Variants in MSI2 observed in about 807,000 individuals in gnomAD.
MSI2 encodes RNA-binding protein Musashi homolog 2.
A neutral mutation model predicts 45.6 loss-of-function variants in MSI2; 17 were observed. That is an observed-to-expected ratio of 0.37 (90% CI 0.26 to 0.56). MSI2 has a LOEUF of 0.56. Ranked by LOEUF, MSI2 falls within the 20% of genes least tolerant of loss-of-function variation. The pLI, the probability that MSI2 is intolerant of heterozygous loss-of-function variation, is 0.77. For missense variants in MSI2, 293 were observed against 444.2 expected (o/e 0.66, Z 3.06); for synonymous variants, 156 against 158.2 (o/e 0.99, Z 0.11).
chr17:57,269,645 A>G (rs949360406), intron 5 of MSI2, among the ~76,000 whole-genome samples: 1 of 152,162 alleles, frequency 6.6e-6, no homozygotes, highest in Non-Finnish European at 1.5e-5. Context: ...GGACCATGAT[A>G]TAGATACAAT....
intron 5 of MSI2, among the ~76,000 whole-genome samples, chr17:57,300,125 C>G (rs977920532): frequency 6.6e-6 from 1 of 152,192 alleles, no homozygotes; most frequent in African/African-American, 2.4e-5. Context: ...CTCCTAACTC[C>G]ATAGGCACTC....
At chr17:57,671,332 T>G (rs956880023) in intron 11 of MSI2, 1 of 152,242 alleles carries the variant, frequency 6.6e-6, no homozygotes, top group African/African-American at 2.4e-5. Flanking sequence ...GCACTGTTTA[T>G]TTATTCAACA....
intron 10 of MSI2, chr17:57,632,383 CT>C: frequency 9.4e-7 from 1 of 1,066,186 alleles, no homozygotes; most frequent in Non-Finnish European, 1.1e-6. Flanking sequence ...ATCTGACTAT[CT>C]TTGTCTTTTG....
rs770001800 is a variant in MSI2, at chr17:57,459,360, G to A, written c.405+57889G>A. Among the ~76,000 whole-genome samples, 6 of 152,274 alleles carry A rather than the reference G, an allele frequency of 3.9e-5. No individual in the cohort carries two copies. The South Asian group carries it at 1.2e-3, about 32-fold the overall frequency. On this transcript the variant is annotated intron_variant, in intron 6 of 13. Transcript: ENST00000284073. Reference sequence around the variant, plus strand: ...CGCACGGGGGCATTGTCCTCAGTCGGACTTTCTAGAAAAAGGCATCACGCG... The same window carrying A: ...CGCACGGGGGCATTGTCCTCAGTCGAACTTTCTAGAAAAAGGCATCACGCG...
At chr17:57,365,233 G>GT (rs546213075) in intron 5 of MSI2, among the ~76,000 whole-genome samples, 8 of 152,176 alleles carry the variant, frequency 5.3e-5, no homozygotes, top group Non-Finnish European at 1.0e-4. Flanking sequence ...AGGCACAATG[G>GT]TTTTTTATAT....
intron 5 of MSI2, among the ~76,000 whole-genome samples, chr17:57,355,596 C>T (rs1916353721): frequency 6.6e-6 from 1 of 152,210 alleles, no homozygotes; most frequent in South Asian, 2.1e-4. Flanking sequence ...ATTATAATCA[C>T]ATGCTGATTT....
chr17:57,592,555 G>C (rs1040719766), intron 7 of MSI2, among the ~76,000 whole-genome samples: 2 of 152,182 alleles, frequency 1.3e-5, no homozygotes, highest in Non-Finnish European at 2.9e-5. Context: ...ATGTTGAAAT[G>C]ATATAGGTCT....
chr17:57,428,783 C>G (rs2084541020), intron 6 of MSI2, among the ~76,000 whole-genome samples: 1 of 152,242 alleles, frequency 6.6e-6, no homozygotes, highest in African/African-American at 2.4e-5. Flanking sequence ...ATTATGAGGT[C>G]TCCTTTGCCT....
intron 7 of MSI2, among the ~76,000 whole-genome samples, chr17:57,563,746 G>GCACACACA (rs61342598): frequency 0.011 from 1,521 of 139,350 alleles, 18 homozygotes; most frequent in South Asian, 0.029. Context: ...ACACAGGCGC[G>GCACACACA]CACACACACA....
intron 5 of MSI2, among the ~76,000 whole-genome samples, chr17:57,343,968 T>A (rs765247655): frequency 7.9e-5 from 12 of 152,248 alleles, no homozygotes; most frequent in Admixed American, 2.0e-4. Flanking sequence ...TTGATGTCCA[T>A]CTGCCTCTCT....
chr17:57,479,819 T>C (rs1447065470), intron 6 of MSI2, among the ~76,000 whole-genome samples: 1 of 152,208 alleles, frequency 6.6e-6, no homozygotes, highest in African/African-American at 2.4e-5. Context: ...CATTTGATCC[T>C]CATTGATAGG....
chr17:57,598,894 G>A (rs545564124), intron 8 of MSI2, among the ~76,000 whole-genome samples: 3 of 152,166 alleles, frequency 2.0e-5, no homozygotes, highest in Non-Finnish European at 2.9e-5. Flanking sequence ...AACTCCTGAC[G>A]TCAAGTGATC....
chr17:57,698,613 C>G, the MSI2 span, among the ~76,000 whole-genome samples: 8 of 152,290 alleles, frequency 5.3e-5, no homozygotes, highest in Admixed American at 3.9e-4. Context: ...GCTTGCTGGG[C>G]CTTCCGCTGT....
intron 5 of MSI2, among the ~76,000 whole-genome samples, chr17:57,317,309 C>G (rs367650716): frequency 6.6e-6 from 1 of 152,126 alleles, no homozygotes; most frequent in Non-Finnish European, 1.5e-5. Context: ...TGCCTGGAGA[C>G]TCTTATTTCA....
At chr17:57,424,342 G>A (rs2084451475) in intron 6 of MSI2, among the ~76,000 whole-genome samples, 1 of 152,224 alleles carries the variant, frequency 6.6e-6, no homozygotes, top group South Asian at 2.1e-4. Flanking sequence ...CTGTTCCCTT[G>A]AGCCAGTCTC....
intron 10 of MSI2, among the ~76,000 whole-genome samples, chr17:57,636,274 G>A (rs1221943737): frequency 6.6e-6 from 1 of 152,168 alleles, no homozygotes; most frequent in Non-Finnish European, 1.5e-5. Context: ...CTTGGCCATA[G>A]GCAAGGGGCT....
intron 5 of MSI2, among the ~76,000 whole-genome samples, chr17:57,319,616 A>T (rs1647340062): frequency 6.6e-6 from 1 of 151,944 alleles, no homozygotes; most frequent in African/African-American, 2.4e-5. Context: ...AACCCTCTTG[A>T]GTAGGGGTTT....
chr17:57,492,890 TC>T (rs2085903518), intron 6 of MSI2, among the ~76,000 whole-genome samples: 1 of 152,204 alleles, frequency 6.6e-6, no homozygotes. Flanking sequence ...AGCCACCATG[TC>T]CAGCCTGGGT....
chr17:57,649,157 C>T (rs778535879), intron 10 of MSI2, among the ~76,000 whole-genome samples: 4 of 152,174 alleles, frequency 2.6e-5, no homozygotes, highest in Non-Finnish European at 5.9e-5. Context: ...ATGTACTCAA[C>T]ACACACATCT....
Sources: allele counts gnomAD v4.1 joint callset (sites outside exome capture counted in the v4.1 genomes callset), GRCh38; gene constraint gnomAD v4.1.1; transcripts MANE v1.5; gene names NCBI Gene and HGNC (gene_info 2026-07-23, HGNC 2026-07-21).